MYO5A: variants seen among roughly 807,000 people sequenced by gnomAD.
The protein encoded by MYO5A is unconventional myosin-Va.
MYO5A carries 98 observed loss-of-function variants against 249.7 expected under a neutral mutation model. The ratio of observed to expected loss-of-function variants is 0.39; its 90% confidence interval spans 0.33 to 0.46. The LOEUF (loss-of-function observed/expected upper bound fraction) is 0.46. MYO5A is among the 20% of genes least tolerant of loss of function. The pLI is 0.98. For synonymous variants in MYO5A, 778 were observed against 810.6 expected, an observed-to-expected ratio of 0.96 and a Z score of 0.68; for missense variants, 1,696 against 2,308.8, an observed-to-expected ratio of 0.73 and a Z score of 5.44.
At chr15:52,503,704 A>C (rs978324343) in intron 1 of MYO5A, among the ~76,000 whole-genome samples, 1 of 152,200 alleles carries the variant, frequency 6.6e-6, no homozygotes, top group Non-Finnish European at 1.5e-5. Context: ...ACTGAATCAA[A>C]AAAATTAAGT....
chr15:52,464,573 G>A (rs1157593104), intron 1 of MYO5A, among the ~76,000 whole-genome samples: 3 of 152,202 alleles, frequency 2.0e-5, no homozygotes, highest in Non-Finnish European at 4.4e-5. Context: ...CAGGGACAAC[G>A]AACACCGAAA....
chr15:52,459,357 G>T (rs1268290516), intron 1 of MYO5A, among the ~76,000 whole-genome samples: 1 of 151,658 alleles, frequency 6.6e-6, no homozygotes, highest in African/African-American at 2.4e-5. Flanking sequence ...TGAGATTAGG[G>T]AGTGGTGATG....
intron 1 of MYO5A, among the ~76,000 whole-genome samples, chr15:52,448,175 G>A (rs112666041): frequency 0.015 from 2,335 of 152,352 alleles, 46 homozygotes; most frequent in African/African-American, 0.053. Context: ...CCACAGAGGT[G>A]GAGCTGCCCA....
chr15:52,406,777 A>T (rs1300045338), intron 8 of MYO5A, among the ~76,000 whole-genome samples: 2 of 152,214 alleles, frequency 1.3e-5, no homozygotes, highest in African/African-American at 4.8e-5. Flanking sequence ...CAGAAAAAAA[A>T]TGCTGGAATA....
At position 52,370,309 on chromosome 15, in the gene MYO5A, C is replaced by T. The variant is rs772966005; in HGVS notation, c.2926G>A (p.Glu976Lys). 6.2e-7 allele frequency: 1 copy of T among 1,614,032 alleles called. No individual in the cohort carries two copies. Among genetic ancestry groups the T allele is most frequent in the Admixed American group, 1.7e-5 (1 of 59,994 alleles). The change falls in exon 22 of 42, where the codon GAG becomes AAG. Residue 976 changes from glutamate to lysine, a missense_variant. Glu to Lys is a moderately conservative substitution (Grantham distance 56). Coordinates refer to ENST00000399233, the MANE Select transcript of MYO5A (RefSeq NM_001382347.1). ...SDLERLQLSE[E>K]EAKVATGRVL... ...CGCCCAGTGGCAACTTTCGCTTCCT[C>T]TTCACTTAGTTGAAGACGTTCTAAG...
chr15:52,427,874 G>A (rs1041208569), intron 3 of MYO5A, among the ~76,000 whole-genome samples: 3 of 152,132 alleles, frequency 2.0e-5, no homozygotes, highest in African/African-American at 7.2e-5. Context: ...ACACACACAT[G>A]CAGAGGCTTT....
chr15:52,443,530 G>A (rs148290679), intron 1 of MYO5A, among the ~76,000 whole-genome samples: 1 of 151,624 alleles, frequency 6.6e-6, no homozygotes, highest in Admixed American at 6.6e-5. Flanking sequence ...GGCCAACATG[G>A]AGAAACCCCG....
At chr15:52,441,205 G>T (rs1021151374) in intron 1 of MYO5A, among the ~76,000 whole-genome samples, 41 of 152,002 alleles carry the variant, frequency 2.7e-4, no homozygotes, top group Admixed American at 2.7e-3. Context: ...CCAGAAAAAA[G>T]GAAACAAAAA....
intron 1 of MYO5A, among the ~76,000 whole-genome samples, chr15:52,518,264 C>CAAAA (rs36190580): frequency 9.3e-6 from 1 of 107,822 alleles, no homozygotes; most frequent in African/African-American, 3.5e-5. Flanking sequence ...ACCCCTCCCA[C>CAAAA]AAAAAAAAAA....
At chr15:52,507,102 C>T (rs1478181002) in intron 1 of MYO5A, among the ~76,000 whole-genome samples, 1 of 152,178 alleles carries the variant, frequency 6.6e-6, no homozygotes, top group Non-Finnish European at 1.5e-5. Flanking sequence ...CTAAATCACA[C>T]AGCTGGCCCT....
intron 1 of MYO5A, among the ~76,000 whole-genome samples, chr15:52,457,337 G>A (rs1480223477): frequency 1.3e-5 from 2 of 151,562 alleles, no homozygotes; most frequent in South Asian, 4.2e-4. Context: ...GGCTGAGGTG[G>A]GAGAAGCGCT....
chr15:52,403,447 C>T (rs780847828), intron 9 of MYO5A, among the ~76,000 whole-genome samples: 5 of 152,116 alleles, frequency 3.3e-5, no homozygotes, highest in South Asian at 2.1e-4. Flanking sequence ...AAGCCAGTCA[C>T]GAAAAACCAC....
intron 8 of MYO5A, among the ~76,000 whole-genome samples, chr15:52,407,042 T>C (rs1161767774): frequency 6.6e-6 from 1 of 152,192 alleles, no homozygotes; most frequent in African/African-American, 2.4e-5. Flanking sequence ...ACCATAAAAT[T>C]CACCCATTCA....
intron 1 of MYO5A, among the ~76,000 whole-genome samples, chr15:52,517,303 T>C (rs955688757): frequency 1.3e-5 from 2 of 152,220 alleles, no homozygotes; most frequent in Non-Finnish European, 2.9e-5. Flanking sequence ...ATGCTCACCA[T>C]AACATATCAC....
chr15:52,445,489 GGAGT>G (rs772549490), intron 1 of MYO5A, among the ~76,000 whole-genome samples: 13 of 152,160 alleles, frequency 8.5e-5, no homozygotes, highest in Non-Finnish European at 1.8e-4. Flanking sequence ...ATTGGTACTA[GGAGT>G]GAGGGATTGC....
chr15:52,500,541 T>C (rs1252718408), intron 1 of MYO5A, among the ~76,000 whole-genome samples: 2 of 151,878 alleles, frequency 1.3e-5, no homozygotes, highest in African/African-American at 4.8e-5. Flanking sequence ...AGAAACGGGG[T>C]TTCACCATGT....
chr15:52,364,709 T>G lies in MYO5A; in HGVS notation c.3161-7A>C, dbSNP rs767909687. On this transcript the variant is annotated splice_polypyrimidine_tract_variant and splice_region_variant and intron_variant, in intron 23 of 41. Transcript: ENST00000399233. ...AACTTCTTCTCCATAGTTTCTGAAA[T>G]TAAAAAAAGGATATGCATACTAAAG... 6 of 1,613,346 alleles carry G rather than the reference T, an allele frequency of 3.7e-6. No individual in the cohort carries two copies. The highest frequency in any genetic ancestry group is 5.1e-6 in the Non-Finnish European group (6 of 1,179,724).
At chr15:52,398,515 T>G (rs545591171) in intron 9 of MYO5A, among the ~76,000 whole-genome samples, 2 of 152,184 alleles carry the variant, frequency 1.3e-5, no homozygotes, top group Non-Finnish European at 2.9e-5. Flanking sequence ...GAGTTGGCAT[T>G]AGAACCTGGG....
intron 1 of MYO5A, among the ~76,000 whole-genome samples, chr15:52,456,945 A>G (rs1313799289): frequency 2.6e-5 from 4 of 152,206 alleles, no homozygotes; most frequent in Non-Finnish European, 1.5e-5. Context: ...AAGAAAAACA[A>G]AAATAGACAA....
Sources: gnomAD v4.1 joint callset for allele counts (sites outside exome capture counted in the v4.1 genomes callset) on GRCh38, gnomAD v4.1.1 for gene constraint, MANE v1.5 for transcripts, NCBI Gene and HGNC (gene_info 2026-07-23, HGNC 2026-07-21) for gene names.